Variants in CD36 observed in about 807,000 individuals in gnomAD.
The protein encoded by CD36 is CD36 molecule (CD36 blood group), also known as platelet glycoprotein 4.
In CD36, 119 loss-of-function variants were observed where a neutral mutation model predicts 55.2. That is an observed-to-expected ratio of 2.15 (90% CI 1.86 to 2.51). The LOEUF is 2.51. CD36 is among the 30% of genes most tolerant of loss of function. The pLI is 0.00. For missense variants in CD36, 819 were observed against 555.5 expected (o/e 1.47, Z -4.77); for synonymous variants, 186 against 193.6 (o/e 0.96, Z 0.33).
Position 80,662,986 on chromosome 7 carries a change from G to T in CD36, c.430-4G>T, listed in dbSNP as rs372107829. On this transcript the variant is annotated splice_region_variant and splice_polypyrimidine_tract_variant and intron_variant, in intron 5 of 14. Coordinates refer to ENST00000447544, the MANE Select transcript of CD36 (RefSeq NM_001001548.3). ...TGTCTTAAACAGTGACTTTGTTTTTGTAGGCTGCATCCCATATCTATCAAA... is the reference window on the plus strand; with the variant it reads ...TGTCTTAAACAGTGACTTTGTTTTTTTAGGCTGCATCCCATATCTATCAAA... 6.8e-6 allele frequency: 11 copies of T among 1,608,486 alleles called. No homozygotes were observed. The highest frequency in any genetic ancestry group is 9.4e-6 in the Non-Finnish European group (11 of 1,175,542).
chr7:80,676,750 A>G lies in CD36; in HGVS notation c.*367A>G, dbSNP rs1221939228. 6.6e-6 allele frequency: 1 copy of G among 151,340 alleles called. No homozygotes were observed. The highest frequency in any genetic ancestry group is 2.4e-5 in the African/African-American group (1 of 41,226). 9.4% of individuals were successfully genotyped at this position (151,340 alleles called of 1,614,324 possible). On this transcript the variant is annotated 3_prime_UTR_variant, in exon 15 of 15. Transcript: ENST00000447544. The stretch of plus-strand genomic sequence containing the variant: ...TCATTTTAGCACACTAGCGGTTTAT[A>G]TTTTAAGGACCTTCATTCTCTGTTC...
chr7:80,673,946 C>G (rs367722115), intron 13 of CD36, 37 bp from the exon 14 acceptor site: 2 of 1,541,894 alleles, frequency 1.3e-6, no homozygotes, highest in African/African-American at 1.4e-5. Context: ...GTTTTACTAA[C>G]GTACCCAAAT....
chr7:80,656,677 G>A lies in CD36; in HGVS notation c.258G>A (p.Lys86=). 6.2e-7 allele frequency: 1 copy of A among 1,613,630 alleles called. No individual in the cohort carries two copies. The highest frequency in any genetic ancestry group is 8.5e-7 in the Non-Finnish European group (1 of 1,179,754). ...VMMNSSNIQV[K]QRGPYTYRVR... is the part of the protein sequence containing the mutation. ...TGAACAGCAGCAACATTCAAGTTAA[G>A]CAAAGAGGTCCTTATACGTACAGGT... Residue 86 remains lysine (K), a synonymous_variant, in exon 4 of 15, where the codon AAG becomes AAA. Coordinates refer to ENST00000447544, the MANE Select transcript of CD36 (RefSeq NM_001001548.3).
At chr7:80,660,870 T>C (rs961346288) in intron 4 of CD36, among the ~76,000 whole-genome samples, 193 bp from the exon 5 acceptor site, 5 of 152,216 alleles carry the variant, frequency 3.3e-5, no homozygotes, top group Non-Finnish European at 5.9e-5. Flanking sequence ...ATTTCCAGTT[T>C]GCCAGTTTAA....
chr7:80,671,901 A>T, intron 10 of CD36, 21 bp from the exon 11 acceptor site: 1 of 1,606,182 alleles, frequency 6.2e-7, no homozygotes, highest in Non-Finnish European at 8.5e-7. Flanking sequence ...ATTCCAATTG[A>T]CTCTTAAAAC....
intron 8 of CD36, 116 bp from the exon 9 acceptor site, chr7:80,669,837 A>G: frequency 1.3e-6 from 1 of 784,972 alleles, no homozygotes; most frequent in Non-Finnish European, 2.3e-6. Context: ...GCTGCTAGAT[A>G]AATTACTTAG....
At chr7:80,658,050 C>T (rs545777529) in intron 4 of CD36, among the ~76,000 whole-genome samples, 6 of 152,294 alleles carry the variant, frequency 3.9e-5, no homozygotes, top group African/African-American at 1.2e-4. Context: ...ATATAAGCCC[C>T]AGAGGGCCTT....
chr7:80,618,726 TAA>T (rs1793303271), intron 1 of CD36, among the ~76,000 whole-genome samples: 1 of 152,064 alleles, frequency 6.6e-6, no homozygotes, highest in Non-Finnish European at 1.5e-5. Flanking sequence ...TCTGTGAAAG[TAA>T]AAGAGGTGAG....
upstream of CD36, among the ~76,000 whole-genome samples, chr7:80,637,463 A>C (rs1794500284): frequency 6.6e-6 from 1 of 152,100 alleles, no homozygotes; most frequent in South Asian, 2.1e-4. Flanking sequence ...GATTTGAAAA[A>C]AAAGTAATAG....
In CD36 at chr7:80,638,738, A is replaced by G. The variant is rs1199847661; in HGVS notation, c.-192A>G. The G allele has an allele frequency of 1.3e-5, 2 of 151,940 alleles. No homozygotes were observed. Among genetic ancestry groups the G allele is most frequent in the Non-Finnish European group, 2.9e-5 (2 of 67,920 alleles). 9.4% of individuals were successfully genotyped at this position (151,940 alleles called of 1,614,324 possible). A position where few individuals can be genotyped will look rare whatever the true frequency, so the allele number is the denominator to read the frequency against. On this transcript the variant is annotated 5_prime_UTR_variant, in exon 1 of 15. Coordinates refer to ENST00000447544, the MANE Select transcript of CD36 (RefSeq NM_001001548.3). ...TTTGATTGAAAAATCCTTCTTAGCC[A>G]TTTTAAAGGTAAGTTGTATGATTTT... is the stretch of plus-strand genomic sequence containing the variant.
chr7:80,616,847 A>G (rs564650459), intron 1 of CD36, among the ~76,000 whole-genome samples: 2 of 152,168 alleles, frequency 1.3e-5, no homozygotes, highest in Non-Finnish European at 2.9e-5. Context: ...TTATATAACA[A>G]TGCCTAACAA....
intron 1 of CD36, among the ~76,000 whole-genome samples, chr7:80,643,959 T>G (rs1250519607): frequency 1.3e-5 from 2 of 152,198 alleles, no homozygotes; most frequent in South Asian, 4.1e-4. Context: ...TAAAATATTA[T>G]GTACCTAATA....
upstream of CD36, chr7:80,638,588 G>T (rs1334512): frequency 0.32 from 46,795 of 144,078 alleles, 7,750 homozygotes; most frequent in South Asian, 0.44. Context: ...CTCTTTTTTT[G>T]GGGGGGGGAG....
In CD36 at chr7:80,671,066, C is replaced by T; in HGVS notation, c.908C>T (p.Pro303Leu). The T allele has an allele frequency of 6.2e-7, 1 of 1,611,846 alleles. No homozygotes were observed. Among genetic ancestry groups the T allele is most frequent in the South Asian group, 1.1e-5 (1 of 91,024 alleles). ...CTTCCATCCAAGGCCTTTGCCTCTC[C>T]AGTTGAAAACCCAGACAACTATTGT... is the stretch of plus-strand genomic sequence containing the variant. The part of the protein sequence containing the change: ...FVLPSKAFAS[P>L]VENPDNYCFC... Residue 303 changes from proline to leucine, a missense_variant, in exon 10 of 15, where the codon CCA (proline) becomes CTA (leucine). By Grantham distance (98) the Pro-to-Leu change is moderately conservative. Transcript: ENST00000447544.
chr7:80,660,023 G>A (rs1297677368), intron 4 of CD36, among the ~76,000 whole-genome samples: 1 of 152,018 alleles, frequency 6.6e-6, no homozygotes, highest in African/African-American at 2.4e-5. Context: ...CCCCTACCCT[G>A]TAGGAATTTA....
chr7:80,671,031 T>C lies in CD36; in HGVS notation c.873T>C (p.Tyr291=), dbSNP rs1797618944. 1 of 1,613,256 alleles carries C rather than the reference T, an allele frequency of 6.2e-7. No homozygotes were observed. The highest frequency in any genetic ancestry group is 8.5e-7 in the Non-Finnish European group (1 of 1,179,282). ...SDVNLKGIPV[Y]RFVLPSKAFA... ...TTAATCTGAAAGGAATCCCTGTGTATAGATTTGTTCTTCCATCCAAGGCCT... is the reference window on the plus strand; with the variant it reads ...TTAATCTGAAAGGAATCCCTGTGTACAGATTTGTTCTTCCATCCAAGGCCT... Residue 291 remains tyrosine, a synonymous_variant, in exon 10 of 15, where the codon TAT becomes TAC. Coordinates refer to ENST00000447544, the MANE Select transcript of CD36 (RefSeq NM_001001548.3).
rs1455946451 is a variant in CD36 at position 80,661,438 on chromosome 7, TTCTC to T, written c.429+230_429+233del. On this transcript the variant is annotated intron_variant, in intron 5 of 14. Coordinates refer to ENST00000447544, the MANE Select transcript of CD36 (RefSeq NM_001001548.3). ...TTTTTCATTATTTTTTGTCGAAACA[TTCTC>T]TATATTTAATTTCAATTTTATAACA... 3.9e-5 allele frequency among the ~76,000 whole-genome samples: 6 copies of T among 152,270 alleles called. No homozygotes were observed. In the South Asian group the frequency reaches 6.2e-4, roughly 16 times the overall value.
intron 13 of CD36, chr7:80,673,623 C>T (rs1797948994): frequency 1.8e-6 from 1 of 567,522 alleles, no homozygotes; most frequent in Admixed American, 3.2e-5. Flanking sequence ...ATCTATTAAA[C>T]ACATTTTCTT....
At chr7:80,667,429 CAAAAA>C (rs564416939) in intron 8 of CD36, among the ~76,000 whole-genome samples, 3 of 82,422 alleles carry the variant, frequency 3.6e-5, no homozygotes, top group East Asian at 3.6e-4. Flanking sequence ...GACCCTGTCT[CAAAAA>C]AAAAAAAAAA....
Sources: allele counts gnomAD v4.1 joint callset (sites outside exome capture counted in the v4.1 genomes callset), GRCh38; gene constraint gnomAD v4.1.1; transcripts MANE v1.5; gene names NCBI Gene and HGNC (gene_info 2026-07-23, HGNC 2026-07-21).